The following NBEA variants were observed in gnomAD, a reference collection of about 807,000 sequenced individuals.
NBEA encodes the protein neurobeachin, also known as lysosomal-trafficking regulator 2.
NBEA carries 44 observed loss-of-function variants against 343.4 expected under a neutral mutation model. The ratio of observed to expected loss-of-function variants is 0.13; its 90% CI spans 0.10 to 0.16. NBEA has a LOEUF of 0.16. Ranked by LOEUF, NBEA falls within the 10% of genes least tolerant of loss-of-function variation. The pLI is 1.00. For synonymous variants in NBEA, 1,175 were observed against 1,238.7 expected (o/e 0.95, Z 1.08); for missense variants, 2,555 against 3,631.3 (o/e 0.70, Z 7.62).
At chr13:35,664,836 C>A (rs893065884) in intron 55 of NBEA, among the ~76,000 whole-genome samples, 1 of 152,250 alleles carries the variant, frequency 6.6e-6, no homozygotes, top group East Asian at 1.9e-4. Flanking sequence ...TTACCACTCT[C>A]GTTACGTTCT....
At chr13:35,253,590 A>G (rs1246241672) in intron 34 of NBEA, among the ~76,000 whole-genome samples, 6 of 152,196 alleles carry the variant, frequency 3.9e-5, no homozygotes, top group African/African-American at 1.4e-4. Flanking sequence ...TCATTATATT[A>G]TGGTGTATAC....
chr13:35,277,060 G>T (rs2034636816), intron 34 of NBEA, among the ~76,000 whole-genome samples: 1 of 152,114 alleles, frequency 6.6e-6, no homozygotes, highest in African/African-American at 2.4e-5. Flanking sequence ...CAGGTGGCAG[G>T]GATGTAGAGA....
At chr13:34,995,741 G>C (rs945219523) in intron 1 of NBEA, among the ~76,000 whole-genome samples, 2 of 152,170 alleles carry the variant, frequency 1.3e-5, no homozygotes, top group African/African-American at 2.4e-5. Context: ...ATGAGTACAC[G>C]CTCAAGTTTC....
At chr13:35,115,627 A>G (rs2066456534) in intron 13 of NBEA, among the ~76,000 whole-genome samples, 3 of 152,074 alleles carry the variant, frequency 2.0e-5, no homozygotes. Context: ...ATTCAATTTT[A>G]TATTAGATAA....
intron 33 of NBEA, among the ~76,000 whole-genome samples, chr13:35,220,588 C>A (rs2074308013): frequency 6.6e-6 from 1 of 151,800 alleles, no homozygotes; most frequent in Non-Finnish European, 1.5e-5. Flanking sequence ...TAGGTTAATT[C>A]CTAGTCATAT....
intron 34 of NBEA, among the ~76,000 whole-genome samples, chr13:35,278,367 G>A (rs2034793862): frequency 6.6e-6 from 1 of 151,922 alleles, no homozygotes; most frequent in Admixed American, 6.6e-5. Flanking sequence ...TTTAACACAT[G>A]GCAATACAAT....
intron 34 of NBEA, among the ~76,000 whole-genome samples, chr13:35,288,108 C>T (rs2035556253): frequency 2.6e-5 from 4 of 151,976 alleles, no homozygotes; most frequent in Admixed American, 2.0e-4. Context: ...GAATTTTTTG[C>T]CACATACAAA....
intron 10 of NBEA, among the ~76,000 whole-genome samples, chr13:35,081,361 T>C (rs764701104): frequency 3.3e-5 from 5 of 152,236 alleles, no homozygotes; most frequent in African/African-American, 4.8e-5. Context: ...TCTTTATTAA[T>C]GGGCAACCAT....
chr13:35,176,563 T>G (rs746037114), intron 27 of NBEA, among the ~76,000 whole-genome samples: 2 of 152,022 alleles, frequency 1.3e-5, no homozygotes, highest in Non-Finnish European at 2.9e-5. Flanking sequence ...GTTTCTAACC[T>G]TGGATAGACC....
At chr13:34,969,507 A>G (rs1593313559) in intron 1 of NBEA, among the ~76,000 whole-genome samples, 1 of 152,074 alleles carries the variant, frequency 6.6e-6, no homozygotes, top group East Asian at 1.9e-4. Context: ...TTCATCACCT[A>G]GGTATTAGCC....
chr13:35,298,804 A>G (rs899625435), intron 35 of NBEA, among the ~76,000 whole-genome samples: 2 of 151,866 alleles, frequency 1.3e-5, no homozygotes, highest in Non-Finnish European at 2.9e-5. Flanking sequence ...AATTTTTTTT[A>G]TGGTTGACTA....
At chr13:35,316,245 C>T (rs924555414) in intron 36 of NBEA, among the ~76,000 whole-genome samples, 1 of 152,066 alleles carries the variant, frequency 6.6e-6, no homozygotes, top group Admixed American at 6.6e-5. Flanking sequence ...TCTCCTAATG[C>T]TATCCCTCCC....
In NBEA at chr13:35,268,467, G is replaced by A. The variant is rs117682066; in HGVS notation, c.5777-21922G>A. 3.9e-5 allele frequency among the ~76,000 whole-genome samples: 6 copies of A among 152,108 alleles called. No individual in the cohort carries two copies. The East Asian group carries it at 1.2e-3, about 29-fold the overall frequency. On this transcript the variant is annotated intron_variant, in intron 34 of 58. Coordinates refer to ENST00000379939, the MANE Select transcript of NBEA (RefSeq NM_001385012.1). ...CATTATGACTGAACTTAATACCTCT[G>A]CCTTGTACACTTAAACATGATTAAT... is the stretch of plus-strand genomic sequence containing the variant.
chr13:35,145,501 T>C lies in NBEA; in HGVS notation c.2445+3124T>C, dbSNP rs372630938. Among the ~76,000 whole-genome samples, 3 of 152,192 alleles carry C rather than the reference T, an allele frequency of 2.0e-5. No homozygotes were observed. In the East Asian group the frequency reaches 5.8e-4, roughly 29 times the overall value. ...TTTAGTGGGTCTGCATACAAGGATG[T>C]CATCCACATATTGGCGTGTGGCTTC... On this transcript the variant is annotated intron_variant, in intron 18 of 58. Coordinates refer to ENST00000379939, the MANE Select transcript of NBEA (RefSeq NM_001385012.1).
intron 50 of NBEA, 30 bp downstream of exon 50, chr13:35,645,961 G>A: frequency 7.1e-7 from 1 of 1,417,332 alleles, no homozygotes; most frequent in Non-Finnish European, 9.6e-7. Context: ...TGTGGAAAGT[G>A]TTCTTTGGTC....
At chr13:35,371,043 C>T (rs1243664139) in intron 38 of NBEA, among the ~76,000 whole-genome samples, 1 of 151,872 alleles carries the variant, frequency 6.6e-6, no homozygotes, top group Admixed American at 6.6e-5. Flanking sequence ...TTTTTGAATT[C>T]TTTCTTTGTC....
chr13:35,305,039 A>C (rs2036804084), intron 35 of NBEA, among the ~76,000 whole-genome samples: 2 of 152,324 alleles, frequency 1.3e-5, no homozygotes, highest in South Asian at 4.1e-4. Flanking sequence ...TGCTTTTCTC[A>C]GCATTTCCCC....
chr13:35,268,189 G>A (rs1266265723), intron 34 of NBEA, among the ~76,000 whole-genome samples: 1 of 152,034 alleles, frequency 6.6e-6, no homozygotes, highest in East Asian at 1.9e-4. Context: ...AGAGAATTCG[G>A]GCATATAATG....
At chr13:35,583,714 T>C (rs565021408) in intron 45 of NBEA, among the ~76,000 whole-genome samples, 184 bp from the exon 46 acceptor site, 9 of 152,196 alleles carry the variant, frequency 5.9e-5, no homozygotes, top group Non-Finnish European at 1.2e-4. Context: ...GGGCAGTTTA[T>C]AACAAGTGTA....
Sources: allele counts gnomAD v4.1 joint callset (sites outside exome capture counted in the v4.1 genomes callset), GRCh38; gene constraint gnomAD v4.1.1; transcripts MANE v1.5; gene names NCBI Gene and HGNC (gene_info 2026-07-23, HGNC 2026-07-21).